The following RNF152 variants were observed in gnomAD, a reference collection of about 807,000 sequenced individuals.
RNF152 encodes the protein ring finger protein 152.
A neutral mutation model predicts 12.7 loss-of-function variants in RNF152; 11 were observed. The observed-to-expected ratio is 0.86, with a 90% CI of 0.54 to 1.43. The LOEUF (loss-of-function observed/expected upper bound fraction) is 1.43, where lower values mean the gene tolerates loss of function less well. Among genes scored for constraint, RNF152 ranks in the 40% most tolerant of loss-of-function variants. The pLI is 0.00. For missense variants in RNF152, 255 were observed against 274.8 expected, an observed-to-expected ratio of 0.93 and a Z score of 0.51; for synonymous variants, 113 against 120.3, an observed-to-expected ratio of 0.94 and a Z score of 0.40.
At chr18:61,818,934 G>T (rs946579446) in intron 1 of RNF152, among the ~76,000 whole-genome samples, 4 of 152,160 alleles carry the variant, frequency 2.6e-5, no homozygotes, top group Admixed American at 2.6e-4. Context: ...TAAATACAAG[G>T]TACCCTAAGG....
chr18:61,889,688 AG>A (rs1184262256), intron 1 of RNF152, among the ~76,000 whole-genome samples: 2 of 152,194 alleles, frequency 1.3e-5, no homozygotes, highest in African/African-American at 2.4e-5. Context: ...AAGTAACAAA[AG>A]GGTGACCCAA....
At chr18:61,871,392 C>T (rs1911990362) in intron 1 of RNF152, among the ~76,000 whole-genome samples, 1 of 152,120 alleles carries the variant, frequency 6.6e-6, no homozygotes. Context: ...CTTGCAAGTG[C>T]TCCAACACAT....
intron 1 of RNF152, among the ~76,000 whole-genome samples, chr18:61,861,128 T>C (rs1056608791): frequency 4.6e-5 from 7 of 152,188 alleles, no homozygotes; most frequent in Non-Finnish European, 8.8e-5. Context: ...ATAAATTGAG[T>C]GTAGTCTAAG....
intron 1 of RNF152, among the ~76,000 whole-genome samples, chr18:61,844,067 C>A (rs1268396157): frequency 6.0e-4 from 27 of 45,332 alleles, no homozygotes; most frequent in Admixed American, 9.9e-4. Flanking sequence ...GAGAGAAAGA[C>A]AGAAAGAAAG....
At chr18:61,842,881 T>A (rs908931631) in intron 1 of RNF152, among the ~76,000 whole-genome samples, 4 of 152,178 alleles carry the variant, frequency 2.6e-5, no homozygotes, top group African/African-American at 4.8e-5. Flanking sequence ...CCCGCCCTCA[T>A]AATTCAATCA....
chr18:61,869,004 A>G (rs1911863506), intron 1 of RNF152, among the ~76,000 whole-genome samples: 1 of 152,174 alleles, frequency 6.6e-6, no homozygotes, highest in Non-Finnish European at 1.5e-5. Context: ...AAAAGCATTC[A>G]CCATTTGTAA....
Position 61,813,093 on chromosome 18 carries a change from G to A in RNF152, c.*2759C>T, listed in dbSNP as rs1222801372. 6.6e-6 allele frequency: 1 copy of A among 152,118 alleles called. No individual in the cohort carries two copies. The highest frequency in any genetic ancestry group is 2.4e-5 in the African/African-American group (1 of 41,398). The allele number at this position is 152,118 out of a possible 1,614,324, so 9.4% of individuals were successfully genotyped here. ...TTTCCAGTTGTGACTTTTCATTAAT[G>A]TGCAAGTATGAATCCTGGCCTCTTG... On this transcript the variant is annotated 3_prime_UTR_variant, in exon 2 of 2. Coordinates refer to ENST00000312828, the MANE Select transcript of RNF152 (RefSeq NM_173557.3).
chr18:61,861,048 A>G (rs932699414), intron 1 of RNF152, among the ~76,000 whole-genome samples: 2 of 152,260 alleles, frequency 1.3e-5, no homozygotes, highest in African/African-American at 4.8e-5. Flanking sequence ...AAAGTTAAAC[A>G]AAATTTAGAC....
intron 1 of RNF152, among the ~76,000 whole-genome samples, chr18:61,885,985 C>CTTTTTTTTTTTTTTTTTTT (rs558169838): frequency 1.2e-5 from 1 of 81,694 alleles, no homozygotes; most frequent in Non-Finnish European, 2.3e-5. Flanking sequence ...CTTTTGCTTT[C>CTTTTTTTTTTTTTTTTTTT]TTTTTTTTTT....
intron 1 of RNF152, among the ~76,000 whole-genome samples, chr18:61,820,330 C>A (rs4941064): frequency 0.91 from 73,263 of 80,840 alleles, 33,486 homozygotes; most frequent in Middle Eastern, 0.96. Context: ...CTCCGTCTCA[C>A]CAAAAAAAAA....
chr18:61,872,251 C>T (rs1273477290), intron 1 of RNF152, among the ~76,000 whole-genome samples: 1 of 152,114 alleles, frequency 6.6e-6, no homozygotes, highest in Non-Finnish European at 1.5e-5. Context: ...CCCCCATGAT[C>T]CAATCACCTT....
At chr18:61,850,801 C>G (rs940059927) in intron 1 of RNF152, among the ~76,000 whole-genome samples, 2 of 152,198 alleles carry the variant, frequency 1.3e-5, no homozygotes, top group African/African-American at 2.4e-5. Context: ...AGAGCTTACT[C>G]ACCTCCTACC....
intron 1 of RNF152, among the ~76,000 whole-genome samples, chr18:61,849,178 G>A (rs182813106): frequency 6.6e-6 from 1 of 152,236 alleles, no homozygotes; most frequent in South Asian, 2.1e-4. Context: ...ACTGCCCTGC[G>A]GGGGCTTCAC....
In RNF152 at chr18:61,828,130, C is replaced by T. The variant is rs908199067; in HGVS notation, c.-135-11532G>A. Among the ~76,000 whole-genome samples, 44 of 152,204 alleles carry T rather than the reference C, an allele frequency of 2.9e-4. 1 individual carries two copies. The highest frequency in any genetic ancestry group is 5.4e-4 in the Non-Finnish European group (37 of 68,044). On this transcript the variant is annotated intron_variant, in intron 1 of 1. Coordinates refer to ENST00000312828, the MANE Select transcript of RNF152 (RefSeq NM_173557.3). ...ACCACTACACCAATCAAGATATTTC[C>T]GCCACCCCGAAAGGTCCCCTTGTGC...
chr18:61,841,574 T>C (rs1260320853), intron 1 of RNF152, among the ~76,000 whole-genome samples: 4 of 152,196 alleles, frequency 2.6e-5, no homozygotes, highest in African/African-American at 9.6e-5. Flanking sequence ...CTAGGGATTC[T>C]TAACTTTGGG....
rs1909093970 is a variant in RNF152, at chr18:61,816,427, G to T, written c.37C>A (p.Gln13Lys). The change falls in exon 2 of 2, where the codon CAG becomes AAG. Residue 13 changes from glutamine (Q) to lysine (K), a missense_variant. Transcript: ENST00000312828. Reference sequence around the variant, plus strand: ...GGGCTGTAGTAATTGAAACAGATCTGACATTCCAGCAGAGAGTCCTGGGAC... The same window carrying T: ...GGGCTGTAGTAATTGAAACAGATCTTACATTCCAGCAGAGAGTCCTGGGAC... Reference protein sequence around the residue: ...TLSQDSLLECQICFNYYSPRR... With the variant: ...TLSQDSLLECKICFNYYSPRR... 1 of 1,611,290 alleles carries T rather than the reference G, an allele frequency of 6.2e-7. No homozygotes were observed. Among genetic ancestry groups the T allele is most frequent in the Non-Finnish European group, 8.5e-7 (1 of 1,177,888 alleles).
At chr18:61,863,112 T>C (rs534030925) in intron 1 of RNF152, among the ~76,000 whole-genome samples, 51 of 152,110 alleles carry the variant, frequency 3.4e-4, no homozygotes, top group Non-Finnish European at 6.9e-4. Flanking sequence ...ACAAACCAAA[T>C]GTGTTGCCCG....
intron 1 of RNF152, among the ~76,000 whole-genome samples, chr18:61,868,438 G>C (rs1458033523): frequency 6.6e-6 from 1 of 152,184 alleles, no homozygotes; most frequent in East Asian, 1.9e-4. Flanking sequence ...GTCGGGTGCA[G>C]TGGCTCGTGC....
At chr18:61,817,853 A>C (rs942764628) in intron 1 of RNF152, among the ~76,000 whole-genome samples, 6 of 152,114 alleles carry the variant, frequency 3.9e-5, no homozygotes, top group Non-Finnish European at 5.9e-5. Context: ...GCATTTCAGT[A>C]AGGGCTGCCT....
Sources: allele counts gnomAD v4.1 joint callset (sites outside exome capture counted in the v4.1 genomes callset), GRCh38; gene constraint gnomAD v4.1.1; transcripts MANE v1.5; gene names NCBI Gene and HGNC (gene_info 2026-07-23, HGNC 2026-07-21).